The following PRKD1 variants were observed in gnomAD, a reference collection of about 807,000 sequenced individuals.
The protein encoded by PRKD1 is protein kinase D1.
A neutral mutation model predicts 95.9 loss-of-function variants in PRKD1; 63 were observed. The ratio of observed to expected loss-of-function variants is 0.66; its 90% CI spans 0.54 to 0.81. The LOEUF (loss-of-function observed/expected upper bound fraction) is 0.81. PRKD1 is among the 30% of genes least tolerant of loss of function. The probability of loss-of-function intolerance (pLI) is 0.00; values close to 1 mark genes in which losing one functional copy is unlikely to be tolerated. For missense variants in PRKD1, 1,048 were observed against 1,165.3 expected (o/e 0.90, Z 1.47); for synonymous variants, 425 against 423.1 (o/e 1.00, Z -0.05).
chr14:29,638,186 C>A (rs150477093), intron 6 of PRKD1: 163 of 327,830 alleles, frequency 5.0e-4, no homozygotes, highest in African/African-American at 3.2e-3. Flanking sequence ...CAACAACATC[C>A]ACATTTCTGG....
chr14:29,605,106 T>C (rs979192165), intron 13 of PRKD1, among the ~76,000 whole-genome samples: 14 of 152,108 alleles, frequency 9.2e-5, no homozygotes, highest in Non-Finnish European at 1.8e-4. Context: ...TCACCTCTGC[T>C]GCCTTGGTTC....
At chr14:29,706,840 T>C (rs1594446081) in intron 2 of PRKD1, among the ~76,000 whole-genome samples, 1 of 152,116 alleles carries the variant, frequency 6.6e-6, no homozygotes, top group East Asian at 1.9e-4. Context: ...TAGAAAAAGT[T>C]GCCTCACCCA....
intron 1 of PRKD1, among the ~76,000 whole-genome samples, chr14:29,835,089 G>A (rs1246969305): frequency 1.3e-5 from 2 of 151,930 alleles, no homozygotes; most frequent in Non-Finnish European, 2.9e-5. Context: ...ACAAATTCAG[G>A]AATCCCAACC....
At chr14:29,887,313 C>A (rs11846974) in intron 1 of PRKD1, among the ~76,000 whole-genome samples, 1,557 of 152,232 alleles carry the variant, frequency 0.01, 21 homozygotes, top group African/African-American at 0.036. Flanking sequence ...GTGACAGGTA[C>A]ACAAGAGGGA....
intron 16 of PRKD1, among the ~76,000 whole-genome samples, chr14:29,580,929 C>T (rs904053283): frequency 6.6e-6 from 1 of 151,918 alleles, no homozygotes; most frequent in Non-Finnish European, 1.5e-5. Flanking sequence ...CCCCGAAAAG[C>T]TCACAATCTA....
intron 1 of PRKD1, among the ~76,000 whole-genome samples, chr14:29,776,776 T>C (rs1888779390): frequency 6.6e-6 from 1 of 152,046 alleles, no homozygotes; most frequent in Admixed American, 6.5e-5. Context: ...AACATTCAAA[T>C]TCAGGAAACA....
chr14:29,893,758 T>C (rs1038903420), intron 1 of PRKD1, among the ~76,000 whole-genome samples: 2 of 152,176 alleles, frequency 1.3e-5, no homozygotes, highest in Admixed American at 1.3e-4. Flanking sequence ...GCTCCAGTGC[T>C]AGTTCTAATT....
intron 10 of PRKD1, among the ~76,000 whole-genome samples, chr14:29,629,562 AT>A (rs1254793140): frequency 6.6e-6 from 1 of 152,176 alleles, no homozygotes; most frequent in Non-Finnish European, 1.5e-5. Flanking sequence ...AAATTAAAAA[AT>A]TATGACAGAT....
intron 1 of PRKD1, among the ~76,000 whole-genome samples, chr14:29,834,152 G>T (rs925132687): frequency 6.6e-6 from 1 of 152,032 alleles, no homozygotes; most frequent in Non-Finnish European, 1.5e-5. Context: ...TTTAAGTAGG[G>T]TTTCTCAGTA....
chr14:29,908,817 C>T (rs924522142), intron 1 of PRKD1, among the ~76,000 whole-genome samples: 9 of 152,100 alleles, frequency 5.9e-5, no homozygotes, highest in African/African-American at 2.2e-4. Context: ...TGTGACTAGA[C>T]GGTTTTAAGA....
Position 29,738,608 on chromosome 14 carries a change from T to C in PRKD1, c.265-12934A>G, listed in dbSNP as rs183112264. The stretch of plus-strand genomic sequence containing the variant: ...TTATTTTTTAACCCATCTTACTTTG[T>C]TATTTTCTGAGCCACGGGCATGCTG... On this transcript the variant is annotated intron_variant, in intron 1 of 17. Transcript: ENST00000331968. Among the ~76,000 whole-genome samples, 9 of 152,344 alleles carry C rather than the reference T, an allele frequency of 5.9e-5. No individual in the cohort carries two copies. The East Asian group carries it at 1.7e-3, about 29-fold the overall frequency.
chr14:29,586,215 A>G (rs1301650736), intron 16 of PRKD1, among the ~76,000 whole-genome samples: 2 of 152,210 alleles, frequency 1.3e-5, no homozygotes, highest in African/African-American at 4.8e-5. Context: ...ATCTAATCAT[A>G]GAGGTATCTG....
intron 1 of PRKD1, among the ~76,000 whole-genome samples, chr14:29,738,646 T>A (rs1253614377): frequency 6.6e-6 from 1 of 152,206 alleles, no homozygotes; most frequent in Non-Finnish European, 1.5e-5. Context: ...CAAATGCAGA[T>A]AACTCAGAAA....
intron 2 of PRKD1, among the ~76,000 whole-genome samples, chr14:29,695,339 T>C (rs963896451): frequency 6.6e-6 from 1 of 152,164 alleles, no homozygotes; most frequent in Non-Finnish European, 1.5e-5. Flanking sequence ...GTGTAGAATT[T>C]AATCAGGTCT....
At chr14:29,617,586 CAAGAA>C (rs1878953093) in intron 13 of PRKD1, among the ~76,000 whole-genome samples, 1 of 151,912 alleles carries the variant, frequency 6.6e-6, no homozygotes, top group Non-Finnish European at 1.5e-5. Flanking sequence ...AGTTGCAATA[CAAGAA>C]AAGGAGAAAA....
rs147121675 is a variant in PRKD1 at position 29,634,424 on chromosome 14, G to A, written c.1308C>T (p.Asp436=). ...TGTTCCCTGTGGATCTTACCAGCGTGTCCTTGCTGGTGTAGTGGACCATCC... is the reference window on the plus strand; with the variant it reads ...TGTTCCCTGTGGATCTTACCAGCGTATCCTTGCTGGTGTAGTGGACCATCC... ...EGWMVHYTSK[D]TLRKRHYWRL... is the part of the protein sequence containing the mutation. The change falls in exon 8 of 18, where the codon GAC becomes GAT. Residue 436 remains aspartate (D), a synonymous_variant. Transcript: ENST00000331968. The A allele has an allele frequency of 1.1e-5, 18 of 1,614,040 alleles. No homozygotes were observed. In the African/African-American group the frequency reaches 2.0e-4, roughly 18 times the overall value.
rs2139097585 is a variant in PRKD1 at position 29,626,560 on chromosome 14, G to T, written c.1726-4C>A. 6.2e-7 allele frequency: 1 copy of T among 1,600,056 alleles called. No homozygotes were observed. The highest frequency in any genetic ancestry group is 1.1e-5 in the South Asian group (1 of 88,310). Reference sequence around the variant, plus strand: ...TCTGATATACTGTGCTGATGTCCTAGAGGTACAAGCCCAATGAAAAAAAAA... The same window carrying T: ...TCTGATATACTGTGCTGATGTCCTATAGGTACAAGCCCAATGAAAAAAAAA... On this transcript the variant is annotated splice_region_variant and splice_polypyrimidine_tract_variant and intron_variant, in intron 11 of 17. Coordinates refer to ENST00000331968, the MANE Select transcript of PRKD1 (RefSeq NM_002742.3).
intron 4 of PRKD1, among the ~76,000 whole-genome samples, chr14:29,651,358 A>G (rs1382747456): frequency 2.0e-5 from 3 of 152,242 alleles, no homozygotes; most frequent in African/African-American, 7.2e-5. Context: ...ATATTTGTTC[A>G]TAACTCCCTG....
intron 1 of PRKD1, among the ~76,000 whole-genome samples, chr14:29,851,285 A>G (rs2139338648): frequency 6.6e-6 from 1 of 152,324 alleles, no homozygotes; most frequent in Non-Finnish European, 1.5e-5. Flanking sequence ...CATAGTAAAC[A>G]GATAACCTAC....
Sources: allele counts gnomAD v4.1 joint callset (sites outside exome capture counted in the v4.1 genomes callset), GRCh38; gene constraint gnomAD v4.1.1; transcripts MANE v1.5; gene names NCBI Gene and HGNC (gene_info 2026-07-23, HGNC 2026-07-21).